RNF145: variants seen among roughly 807,000 people sequenced by gnomAD.
The protein encoded by RNF145 is ring finger protein 145.
RNF145 carries 12 observed loss-of-function variants against 57.3 expected under a neutral mutation model. The ratio of observed to expected loss-of-function variants is 0.21; its 90% CI spans 0.13 to 0.34. The LOEUF (loss-of-function observed/expected upper bound fraction) is 0.34. RNF145 is among the 10% of genes least tolerant of loss of function. The pLI is 1.00. For synonymous variants in RNF145, 262 were observed against 288.3 expected (o/e 0.91, Z 0.92); for missense variants, 429 against 799.0 (o/e 0.54, Z 5.58).
chr5:159,198,484 G>C lies in RNF145; in HGVS notation c.185-3660C>G, dbSNP rs1480261486. ...GCTTTGGGTATGGAGCTGCCAGTCA[G>C]CCATGAGATACATATTTAAATAGGT... is the stretch of plus-strand genomic sequence containing the variant. On this transcript the variant is annotated intron_variant, in intron 2 of 10. Coordinates refer to ENST00000424310, the MANE Select transcript of RNF145 (RefSeq NM_001199383.2). 2.6e-5 allele frequency among the ~76,000 whole-genome samples: 4 copies of C among 152,270 alleles called. No homozygotes were observed. In the East Asian group the frequency reaches 7.7e-4, roughly 29 times the overall value.
At chr5:159,196,795 T>C (rs1465411146) in intron 2 of RNF145, among the ~76,000 whole-genome samples, 1 of 152,228 alleles carries the variant, frequency 6.6e-6, no homozygotes, top group East Asian at 1.9e-4. Context: ...TTCCACTGAT[T>C]GTAGCTGAAG....
upstream of RNF145, chr5:159,209,896 C>G: frequency 6.5e-7 from 1 of 1,536,078 alleles, no homozygotes; most frequent in Non-Finnish European, 8.7e-7. Context: ...GATCCTGTCC[C>G]GGTGCATTCG....
chr5:159,180,463 T>A (rs183337769), intron 4 of RNF145, among the ~76,000 whole-genome samples: 18 of 152,184 alleles, frequency 1.2e-4, no homozygotes, highest in African/African-American at 4.1e-4. Context: ...GAAACTTACA[T>A]CCTTTGCTCT....
At chr5:159,194,902 AAAT>A in intron 2 of RNF145, 78 bp from the exon 3 acceptor site, 2 of 1,051,696 alleles carry the variant, frequency 1.9e-6, no homozygotes, top group South Asian at 3.2e-5. Context: ...AGCTTGAGAC[AAAT>A]AATTTTCCAA....
At position 159,157,860 on chromosome 5, in the gene RNF145, C is replaced by T. The variant is rs1291758140; in HGVS notation, c.*810G>A. 11 of 152,842 alleles carry T rather than the reference C, an allele frequency of 7.2e-5. No individual in the cohort carries two copies. In the East Asian group the frequency reaches 2.1e-3, roughly 29 times the overall value. 9.5% of individuals were successfully genotyped at this position (152,842 alleles called of 1,614,324 possible). Reference sequence around the variant, plus strand: ...AGGGCCTCTATCAGTGCCCTAAAGCCCTTCCCACTTTGGTCTCCTTCACTA... The same window carrying T: ...AGGGCCTCTATCAGTGCCCTAAAGCTCTTCCCACTTTGGTCTCCTTCACTA... On this transcript the variant is annotated 3_prime_UTR_variant, in exon 11 of 11. Transcript: ENST00000424310.
chr5:159,209,855 G>T (rs1786052369), upstream of RNF145: 1 of 1,535,864 alleles, frequency 6.5e-7, no homozygotes, highest in African/African-American at 1.4e-5. Flanking sequence ...ACACTCACCT[G>T]CAGGGACCAC....
chr5:159,195,516 A>T (rs2113214430), intron 2 of RNF145, among the ~76,000 whole-genome samples: 3 of 152,308 alleles, frequency 2.0e-5, no homozygotes, highest in Middle Eastern at 3.4e-3. Flanking sequence ...GTTGGAAGTC[A>T]ACGACTGCCT....
rs545563752 is a variant in RNF145, at chr5:159,161,285, A to C, written c.1607T>G (p.Ile536Ser). 6.2e-7 allele frequency: 1 copy of C among 1,608,680 alleles called. No individual in the cohort carries two copies. The highest frequency in any genetic ancestry group is 1.3e-5 in the African/African-American group (1 of 74,982). ...AGTTACCTGATAACAGATGGCACAA[A>C]TATCATTGTGTTTCTCAAGCTGCTC... is the stretch of plus-strand genomic sequence containing the variant. ...TKEQLEKHND[I>S]CAICYQDMKS... The change falls in exon 10 of 11, where the codon ATT (isoleucine) becomes AGT (serine). Residue 536 changes from isoleucine to serine, a missense_variant. Physicochemically the swap from Ile to Ser is moderately radical, Grantham distance 142. This residue lies in a region of RNF145 where 216 missense variants were observed against 457.6 expected (regional missense o/e 0.47). Transcript: ENST00000424310.
At chr5:159,192,010 C>A in intron 3 of RNF145, among the ~76,000 whole-genome samples, 1 of 150,606 alleles carries the variant, frequency 6.6e-6, no homozygotes, top group Non-Finnish European at 1.5e-5. Flanking sequence ...CACTGGGTTC[C>A]ACATCTGTGG....
At chr5:159,201,515 C>T (rs1360192789) in intron 2 of RNF145, among the ~76,000 whole-genome samples, 2 of 152,042 alleles carry the variant, frequency 1.3e-5, no homozygotes, top group African/African-American at 4.8e-5. Flanking sequence ...AAAATGCAAT[C>T]GGGAAGAGGA....
At chr5:159,186,541 G>A (rs1785061393) in intron 3 of RNF145, among the ~76,000 whole-genome samples, 1 of 152,068 alleles carries the variant, frequency 6.6e-6, no homozygotes, top group Admixed American at 6.6e-5. Context: ...TGCAATATGG[G>A]CAACAAGAAG....
chr5:159,161,572 T>C lies in RNF145; in HGVS notation c.1320A>G (p.Arg440=). Residue 440 remains arginine, a synonymous_variant, in exon 10 of 11, where the codon AGA becomes AGG. Transcript: ENST00000424310. ...CATCCATGTTTTCCACTGGCTCTTT[T>C]CTGAATTCCTCAACCATAAATAAGA... ...IYVLFMVEEF[R]KEPVENMDDV... The C allele has an allele frequency of 6.2e-7, 1 of 1,613,458 alleles. No individual in the cohort carries two copies.
chr5:159,187,758 T>C (rs1584693560), intron 3 of RNF145, among the ~76,000 whole-genome samples: 1 of 152,100 alleles, frequency 6.6e-6, no homozygotes, highest in Non-Finnish European at 1.5e-5. Context: ...GTAGACAGAG[T>C]GTTGTCAACA....
At chr5:159,209,751 T>G (rs953703580), upstream of RNF145, 3 of 1,240,836 alleles carry the variant, frequency 2.4e-6, no homozygotes, top group Admixed American at 2.0e-5. Context: ...AGAGGCGTAC[T>G]GCAGAGACAC....
At chr5:159,169,889 A>G in intron 6 of RNF145, 70 bp from the exon 7 acceptor site, 1 of 1,228,372 alleles carries the variant, frequency 8.1e-7, no homozygotes, top group Non-Finnish European at 1.1e-6. Context: ...TGAGGCCTTT[A>G]AATAATCACC....
rs1784097954 is a variant in RNF145 at position 159,158,034 on chromosome 5, G to GCAAGGCCCAAGTGCCCACCCA, written c.*615_*635dup. On this transcript the variant is annotated 3_prime_UTR_variant, in exon 11 of 11. Transcript: ENST00000424310. Reference sequence around the variant, plus strand: ...AGTCTCAGATTACATGAATGCACCCGCAAGGCCCAAGTGCCCACCCACCCC... The same window carrying GCAAGGCCCAAGTGCCCACCCA: ...AGTCTCAGATTACATGAATGCACCCGCAAGGCCCAAGTGCCCACCCACAAGGCCCAAGTGCCCACCCACCCC... 6.5e-6 allele frequency: 1 copy of GCAAGGCCCAAGTGCCCACCCA among 152,676 alleles called. No individual in the cohort carries two copies. Among genetic ancestry groups the GCAAGGCCCAAGTGCCCACCCA allele is most frequent in the Non-Finnish European group, 1.5e-5 (1 of 68,094 alleles). The allele number at this position is 152,676 out of a possible 1,614,324, so 9.5% of individuals were successfully genotyped here. A position where few individuals can be genotyped will look rare whatever the true frequency, so the allele number is the denominator to read the frequency against.
intron 3 of RNF145, among the ~76,000 whole-genome samples, chr5:159,183,579 G>T (rs949981341): frequency 6.6e-6 from 1 of 151,910 alleles, no homozygotes; most frequent in African/African-American, 2.4e-5. Flanking sequence ...AAAATTAAAA[G>T]AATTATGAAA....
At chr5:159,200,123 C>A (rs1422502641) in intron 2 of RNF145, among the ~76,000 whole-genome samples, 2 of 152,050 alleles carry the variant, frequency 1.3e-5, no homozygotes, top group Admixed American at 1.3e-4. Flanking sequence ...AGAACCCATC[C>A]TCCCCACCTG....
At chr5:159,176,942 T>C (rs760617479) in intron 4 of RNF145, 75 bp from the exon 5 acceptor site, 58 of 796,710 alleles carry the variant, frequency 7.3e-5, no homozygotes, top group Non-Finnish European at 1.0e-5. Flanking sequence ...AAAAACACTG[T>C]TGATAAGGAT....
Sources: gnomAD v4.1 joint callset for allele counts (sites outside exome capture counted in the v4.1 genomes callset) on GRCh38, gnomAD v4.1.1 for gene constraint, gnomAD v4.1.1 regional missense constraint, MANE v1.5 for transcripts, NCBI Gene and HGNC (gene_info 2026-07-23, HGNC 2026-07-21) for gene names.